Variants in ZNF430 observed in about 807,000 individuals in gnomAD.
ZNF430 encodes zinc finger protein 430.
Under a neutral mutation model 56.7 loss-of-function variants are expected in ZNF430, and 35 were observed. That is an observed-to-expected ratio of 0.62 (90% CI 0.47 to 0.82). The LOEUF is 0.82. Among genes scored for constraint, ZNF430 ranks in the 40% least tolerant of loss-of-function variants. ZNF430 has a pLI of 0.00. For missense variants in ZNF430, 574 were observed against 661.0 expected (o/e 0.87, Z 1.44); for synonymous variants, 212 against 224.3 (o/e 0.94, Z 0.49).
intron 1 of ZNF430, among the ~76,000 whole-genome samples, chr19:21,022,304 G>T (rs1967707167): frequency 6.6e-6 from 1 of 152,038 alleles, no homozygotes; most frequent in South Asian, 2.1e-4. Context: ...CATTTCTCCA[G>T]CCTCACTCTG....
chr19:21,057,470 C>T lies in ZNF430; in HGVS notation c.1162C>T (p.Leu388Phe), dbSNP rs772398796. The change falls in exon 5 of 5, where the codon CTT becomes TTT. Residue 388 changes from leucine to phenylalanine, a missense_variant. Coordinates refer to ENST00000261560, the MANE Select transcript of ZNF430 (RefSeq NM_025189.4). ...CAAAGCTTTTTACCGATTCTCATAC[C>T]TTACTAAACATAAGATAATTCATAC... The part of the protein sequence containing the change: ...CGKAFYRFSY[L>F]TKHKIIHTGE... The T allele has an allele frequency of 5.0e-6, 8 of 1,613,700 alleles. No homozygotes were observed. The highest frequency in any genetic ancestry group is 1.7e-4 in the Middle Eastern group (1 of 6,056).
intron 4 of ZNF430, among the ~76,000 whole-genome samples, chr19:21,049,747 T>TGTTACATTTCGTGTAAC (rs1568591407): frequency 1.3e-5 from 2 of 152,244 alleles, no homozygotes; most frequent in African/African-American, 4.8e-5. Flanking sequence ...TAACATTTCT[T>TGTTACATTTCGTGTAAC]ATAGTGAACA....
At chr19:21,053,285 C>T (rs1467183619) in intron 4 of ZNF430, among the ~76,000 whole-genome samples, 2 of 152,094 alleles carry the variant, frequency 1.3e-5, no homozygotes, top group African/African-American at 4.8e-5. Context: ...TCAGTACACT[C>T]TGCTTCTTTA....
chr19:21,024,870 C>A (rs1599488163), intron 2 of ZNF430, among the ~76,000 whole-genome samples: 1 of 151,934 alleles, frequency 6.6e-6, no homozygotes, highest in East Asian at 1.9e-4. Context: ...CTGAAGTCAG[C>A]ATGTTCTTAG....
At chr19:21,047,672 G>C (rs1299842793) in intron 4 of ZNF430, among the ~76,000 whole-genome samples, 1 of 152,216 alleles carries the variant, frequency 6.6e-6, no homozygotes, top group Admixed American at 6.5e-5. Context: ...GTGTCAACCA[G>C]TGGAGCCTGC....
intron 4 of ZNF430, among the ~76,000 whole-genome samples, chr19:21,048,354 T>C (rs1199315702): frequency 6.6e-6 from 1 of 150,746 alleles, no homozygotes; most frequent in Non-Finnish European, 1.5e-5. Flanking sequence ...TTTGTGTCCC[T>C]GGGTACTTGA....
In ZNF430 at chr19:21,056,213, C is replaced by T. The variant is rs1327950377; in HGVS notation, c.323-418C>T. 3.3e-5 allele frequency among the ~76,000 whole-genome samples: 5 copies of T among 151,976 alleles called. No individual in the cohort carries two copies. In the East Asian group the frequency reaches 9.7e-4, roughly 30 times the overall value. On this transcript the variant is annotated intron_variant, in intron 4 of 4. Coordinates refer to ENST00000261560, the MANE Select transcript of ZNF430 (RefSeq NM_025189.4). The stretch of plus-strand genomic sequence containing the variant: ...AGGGCCTTTGGGCCAGGCGCGGTGG[C>T]TGGTGTGCCAAAGTGCGGTAATCCC...
chr19:21,049,047 A>G (rs2144782741), intron 4 of ZNF430, among the ~76,000 whole-genome samples: 1 of 151,928 alleles, frequency 6.6e-6, no homozygotes, highest in Non-Finnish European at 1.5e-5. Flanking sequence ...TACAAAAATT[A>G]GGTATGTGGT....
In ZNF430 at chr19:21,059,080, TAGAAGACACC is replaced by T. The variant is rs1430124431; in HGVS notation, c.*1063_*1072del. On this transcript the variant is annotated 3_prime_UTR_variant, in exon 5 of 5. Coordinates refer to ENST00000261560, the MANE Select transcript of ZNF430 (RefSeq NM_025189.4). ...AAACACTTTTTCAAAAAGTACAGCT[TAGAAGACACC>T]AGAGTTCATACTAAAATATATTTTT... 6.6e-6 allele frequency: 1 copy of T among 152,218 alleles called. No homozygotes were observed. The highest frequency in any genetic ancestry group is 1.9e-4 in the East Asian group (1 of 5,198). The allele number at this position is 152,218 out of a possible 1,614,324, so 9.4% of individuals were successfully genotyped here. A position where few individuals can be genotyped will look rare whatever the true frequency, so the allele number is the denominator to read the frequency against.
intron 4 of ZNF430, among the ~76,000 whole-genome samples, chr19:21,056,359 C>T (rs371411665): frequency 1.8e-4 from 27 of 151,946 alleles, no homozygotes; most frequent in South Asian, 4.2e-4. Flanking sequence ...CGTGGTGGTG[C>T]GTGCCTGTAA....
At chr19:21,021,953 T>C (rs1967697330) in intron 1 of ZNF430, among the ~76,000 whole-genome samples, 1 of 150,322 alleles carries the variant, frequency 6.7e-6, no homozygotes, top group Non-Finnish European at 1.5e-5. Context: ...TTCTCCTGCC[T>C]CAGCCTTTTG....
At position 21,021,823 on chromosome 19, in the gene ZNF430, A is replaced by ATTTTTTTTTTTTTTTTTTTT. The variant is rs71174785; in HGVS notation, c.4-955_4-936dup. Among the ~76,000 whole-genome samples the ATTTTTTTTTTTTTTTTTTTT allele has an allele frequency of 1.2e-4, 10 of 85,704 alleles. 1 individual carries two copies. Among genetic ancestry groups the ATTTTTTTTTTTTTTTTTTTT allele is most frequent in the African/African-American group, 5.3e-4 (10 of 18,810 alleles). The allele number at this position is 85,704 out of a possible 152,430, so 56.2% of individuals were successfully genotyped here. A position where few individuals can be genotyped will look rare whatever the true frequency, so the allele number is the denominator to read the frequency against. ...TTTCAAAACGATGCGCCTGAGTTAG[A>ATTTTTTTTTTTTTTTTTTTT]TTTTTTTTTTTTTTTTTTTTTTTTT... On this transcript the variant is annotated intron_variant, in intron 1 of 4. Coordinates refer to ENST00000261560, the MANE Select transcript of ZNF430 (RefSeq NM_025189.4).
intron 4 of ZNF430, among the ~76,000 whole-genome samples, chr19:21,037,738 T>C (rs180675721): frequency 3.7e-4 from 57 of 152,328 alleles, no homozygotes; most frequent in African/African-American, 1.3e-3. Context: ...TCAACAGATT[T>C]GGTGTTTTTA....
rs1256231101 is a variant in ZNF430, at chr19:21,059,679, T to G, written c.*1658T>G. On this transcript the variant is annotated 3_prime_UTR_variant, in exon 5 of 5. Coordinates refer to ENST00000261560, the MANE Select transcript of ZNF430 (RefSeq NM_025189.4). ...TTTCTTGAAAAAATTACAGATTTTTTGTAAATAATGATGTAATTCAACTCT... is the reference window on the plus strand; with the variant it reads ...TTTCTTGAAAAAATTACAGATTTTTGGTAAATAATGATGTAATTCAACTCT... The G allele has an allele frequency of 1.3e-5, 2 of 152,206 alleles. No individual in the cohort carries two copies. Among genetic ancestry groups the G allele is most frequent in the African/African-American group, 4.8e-5 (2 of 41,452 alleles). 9.4% of individuals were successfully genotyped at this position (152,206 alleles called of 1,614,324 possible). A position where few individuals can be genotyped will look rare whatever the true frequency, so the allele number is the denominator to read the frequency against.
In ZNF430 at chr19:21,058,204, G is replaced by A; in HGVS notation, c.*183G>A. On this transcript the variant is annotated 3_prime_UTR_variant, in exon 5 of 5. Transcript: ENST00000261560. ...TCACACCTGTAATCCCAGCACTTTG[G>A]GAGGCTGAGACGGGTGAATTACATG... The A allele has an allele frequency of 1.7e-6, 1 of 604,800 alleles. No individual in the cohort carries two copies. The highest frequency in any genetic ancestry group is 2.8e-6 in the Non-Finnish European group (1 of 351,970). 37.5% of individuals were successfully genotyped at this position (604,800 alleles called of 1,614,324 possible).
intron 1 of ZNF430, among the ~76,000 whole-genome samples, chr19:21,022,057 C>T (rs142454435): frequency 6.5e-4 from 99 of 152,100 alleles, no homozygotes; most frequent in African/African-American, 2.4e-3. Context: ...TGGCTGGCCT[C>T]GAACTCTTGA....
At chr19:21,037,413 G>A (rs1323322361) in intron 4 of ZNF430, among the ~76,000 whole-genome samples, 1 of 151,996 alleles carries the variant, frequency 6.6e-6, no homozygotes, top group South Asian at 2.1e-4. Context: ...TCACACGCTT[G>A]GCAAGATTTT....
intron 4 of ZNF430, among the ~76,000 whole-genome samples, chr19:21,047,670 C>T (rs1968204438): frequency 6.6e-6 from 1 of 152,192 alleles, no homozygotes; most frequent in Admixed American, 6.5e-5. Flanking sequence ...AGGTGTCAAC[C>T]AGTGGAGCCT....
At chr19:21,038,708 G>A (rs74541593) in intron 4 of ZNF430, among the ~76,000 whole-genome samples, 14 of 152,062 alleles carry the variant, frequency 9.2e-5, no homozygotes, top group Non-Finnish European at 1.0e-4. Flanking sequence ...CATTACAGGC[G>A]TGAGCCACTG....
Sources: gnomAD v4.1 joint callset for allele counts (sites outside exome capture counted in the v4.1 genomes callset) on GRCh38, gnomAD v4.1.1 for gene constraint, MANE v1.5 for transcripts, NCBI Gene and HGNC (gene_info 2026-07-23, HGNC 2026-07-21) for gene names.